The following PGM1 variants were observed in gnomAD, a reference collection of about 807,000 sequenced individuals.
PGM1 encodes the protein phosphoglucomutase-1.
Under a neutral mutation model 55.6 loss-of-function variants are expected in PGM1, and 52 were observed. That is an observed-to-expected ratio of 0.94 (90% CI 0.75 to 1.18). The LOEUF is 1.18. Among genes scored for constraint, PGM1 ranks in the 50% most tolerant of loss-of-function variants. The pLI is 0.00. For synonymous variants in PGM1, 287 were observed against 271.7 expected (o/e 1.06, Z -0.55); for missense variants, 724 against 729.3 (o/e 0.99, Z 0.08).
intron 1 of PGM1, among the ~76,000 whole-genome samples, chr1:63,604,917 CTGTGTG>C (rs60618789): frequency 0.043 from 5,138 of 118,764 alleles, 139 homozygotes; most frequent in African/African-American, 0.09. Flanking sequence ...TTACATAACT[CTGTGTG>C]TGTGTGTGTG....
chr1:63,623,582 G>A (rs780995936), intron 1 of PGM1: 12 of 1,612,638 alleles, frequency 7.4e-6, no homozygotes, highest in African/African-American at 6.7e-5. Flanking sequence ...AGTGGATTAC[G>A]GAAGAAAACC....
chr1:63,620,564 C>A (rs1043375530), intron 1 of PGM1, among the ~76,000 whole-genome samples: 3 of 152,114 alleles, frequency 2.0e-5, no homozygotes, highest in Non-Finnish European at 2.9e-5. Flanking sequence ...GCCTGGGACA[C>A]CATTATTAAC....
intron 1 of PGM1, 131 bp downstream of exon 1, chr1:63,593,865 C>T (rs1647951652): frequency 1.5e-6 from 2 of 1,294,818 alleles, no homozygotes; most frequent in Non-Finnish European, 1.9e-6. Context: ...CCCGCTCCTC[C>T]CTCTCCTTCG....
intron 6 of PGM1, among the ~76,000 whole-genome samples, chr1:63,637,490 A>G (rs1020927325): frequency 6.6e-6 from 1 of 152,236 alleles, no homozygotes; most frequent in Admixed American, 6.5e-5. Flanking sequence ...TAATATCCAT[A>G]TAGTGGTTTG....
chr1:63,598,896 G>T (rs769827252), intron 1 of PGM1, among the ~76,000 whole-genome samples: 1 of 152,158 alleles, frequency 6.6e-6, no homozygotes, highest in Non-Finnish European at 1.5e-5. Context: ...TGCAAACTTC[G>T]CCTTATAGTG....
intron 1 of PGM1, among the ~76,000 whole-genome samples, chr1:63,617,417 C>G (rs1379556391): frequency 6.6e-6 from 1 of 152,112 alleles, no homozygotes; most frequent in East Asian, 1.9e-4. Context: ...CTCCTGCAGC[C>G]ACAGGCAGTG....
Position 63,635,533 on chromosome 1 carries a change from G to A in PGM1, c.873+514G>A, listed in dbSNP as rs948673830. ...AGAAATAAGCTGTTTTATTTACAAGGGTGACTATGTACCAGACAAGGAAGA... is the reference window on the plus strand; with the variant it reads ...AGAAATAAGCTGTTTTATTTACAAGAGTGACTATGTACCAGACAAGGAAGA... On this transcript the variant is annotated intron_variant, in intron 5 of 10. Transcript: ENST00000371084. Among the ~76,000 whole-genome samples the A allele has an allele frequency of 8.5e-5, 13 of 152,232 alleles. 1 individual carries two copies. The South Asian group carries it at 1.9e-3, about 22-fold the overall frequency.
At chr1:63,642,074 C>T (rs544132958) in intron 7 of PGM1, among the ~76,000 whole-genome samples, 68 of 152,308 alleles carry the variant, frequency 4.5e-4, no homozygotes, top group African/African-American at 1.5e-3. Context: ...AATGACTCAA[C>T]ACCACTTCCA....
At position 63,659,573 on chromosome 1, in the gene PGM1, A is replaced by G. The variant is rs370316545; in HGVS notation, c.1600-13A>G. 1.7e-5 allele frequency: 28 copies of G among 1,608,104 alleles called. No homozygotes were observed. In the African/African-American group the frequency reaches 2.9e-4, roughly 17 times the overall value. On this transcript the variant is annotated splice_polypyrimidine_tract_variant and intron_variant, in intron 10 of 10. Coordinates refer to ENST00000371084, the MANE Select transcript of PGM1 (RefSeq NM_002633.3). ...GGAAGTGATGGAAAAGCTTCTCTCT[A>G]TGTCTTCCTCAGGTCATGTTGGCCC...
chr1:63,650,859 C>T (rs573047162), intron 8 of PGM1, among the ~76,000 whole-genome samples: 2 of 151,800 alleles, frequency 1.3e-5, no homozygotes, highest in East Asian at 3.9e-4. Context: ...GGACCTTGGA[C>T]CAAAATCCAC....
At chr1:63,598,213 A>T (rs544131591) in intron 1 of PGM1, among the ~76,000 whole-genome samples, 13 of 152,308 alleles carry the variant, frequency 8.5e-5, no homozygotes, top group African/African-American at 3.1e-4. Flanking sequence ...GGCTCAAGCG[A>T]TCTGCCTGCC....
Position 63,629,577 on chromosome 1 carries a change from T to C in PGM1, c.399T>C (p.Ile133=), listed in dbSNP as rs1126727. The change falls in exon 2 of 11, where the codon ATT becomes ATC. Residue 133 remains isoleucine, a synonymous_variant. Coordinates refer to ENST00000371084, the MANE Select transcript of PGM1 (RefSeq NM_002633.3). ...PNGDFGIKFN[I]SNGGPAPEAI... ...GAGATTTTGGAATCAAATTCAATAT[T>C]TCTAATGGAGGTGAGTTTGCTGTCA... 7,147 of 1,613,720 alleles carry C rather than the reference T, an allele frequency of 4.4e-3. 260 individuals are homozygous for C. The African/African-American group carries it at 0.083, about 19-fold the overall frequency.
At chr1:63,593,939 C>T (rs1647955534) in intron 1 of PGM1, 2 of 1,220,664 alleles carry the variant, frequency 1.6e-6, no homozygotes, top group Non-Finnish European at 2.0e-6. Context: ...GGCCACGGGA[C>T]CCGGCAGACC....
In PGM1 at chr1:63,659,649, C is replaced by T. The variant is rs138853176; in HGVS notation, c.1663C>T (p.Arg555Cys). The change falls in exon 11 of 11, where the codon CGC (arginine) becomes TGC (cysteine). Residue 555 changes from arginine (R) to cysteine (C), a missense_variant. Arg to Cys is a radical substitution (Grantham distance 180). This residue lies in a region of PGM1 where 316 missense variants were observed against 313.1 expected (regional missense o/e 1.01). Transcript: ENST00000371084. ...GTCCCAGCTGCAGGAGAGGACGGGACGCACTGCACCCACTGTCATCACCTA... is the reference window on the plus strand; with the variant it reads ...GTCCCAGCTGCAGGAGAGGACGGGATGCACTGCACCCACTGTCATCACCTA... ...KVSQLQERTG[R>C]TAPTVIT 6.1e-5 allele frequency: 99 copies of T among 1,613,892 alleles called. No homozygotes were observed. Among genetic ancestry groups the T allele is most frequent in the Admixed American group, 8.3e-5 (5 of 60,016 alleles).
Position 63,636,188 on chromosome 1 carries a change from A to T in PGM1, c.874-46A>T, listed in dbSNP as rs369755225. 4 of 1,573,688 alleles carry T rather than the reference A, an allele frequency of 2.5e-6. No individual in the cohort carries two copies. The African/African-American group carries it at 5.4e-5, about 21-fold the overall frequency. Reference sequence around the variant, plus strand: ...CCCATGAAAGATAGTTTGATTTCTTATAGTTTGATTAAAAGGTCTTTCTTT... The same window carrying T: ...CCCATGAAAGATAGTTTGATTTCTTTTAGTTTGATTAAAAGGTCTTTCTTT... On this transcript the variant is annotated intron_variant, in intron 5 of 10. Transcript: ENST00000371084.
intron 9 of PGM1, among the ~76,000 whole-genome samples, chr1:63,652,583 G>C (rs1170761494): frequency 2.0e-5 from 3 of 149,440 alleles, no homozygotes; most frequent in Non-Finnish European, 3.0e-5. Context: ...TGTTGTCACA[G>C]AGTAAACTCA....
At chr1:63,651,428 T>C (rs1649803265) in intron 8 of PGM1, 2 of 508,962 alleles carry the variant, frequency 3.9e-6, no homozygotes, top group African/African-American at 3.9e-5. Flanking sequence ...AATGCCAAGA[T>C]GGGTGTTTTC....
intron 10 of PGM1, among the ~76,000 whole-genome samples, chr1:63,658,866 G>A (rs1226821582): frequency 6.6e-6 from 1 of 152,082 alleles, no homozygotes; most frequent in Non-Finnish European, 1.5e-5. Flanking sequence ...TACACTTCAC[G>A]TGGCTGGGGA....
intron 1 of PGM1, among the ~76,000 whole-genome samples, chr1:63,625,465 A>G (rs1046836914): frequency 6.6e-6 from 1 of 152,212 alleles, no homozygotes; most frequent in Non-Finnish European, 1.5e-5. Flanking sequence ...CTTCAATCGG[A>G]TGCGCTTTAA....
Sources: gnomAD v4.1 joint callset for allele counts (sites outside exome capture counted in the v4.1 genomes callset) on GRCh38, gnomAD v4.1.1 for gene constraint, gnomAD v4.1.1 regional missense constraint, MANE v1.5 for transcripts, NCBI Gene and HGNC (gene_info 2026-07-23, HGNC 2026-07-21) for gene names.